The following IQCM variants were observed in gnomAD, a reference collection of about 807,000 sequenced individuals.
The protein encoded by IQCM is IQ motif containing M.
Under a neutral mutation model 57.6 loss-of-function variants are expected in IQCM, and 45 were observed. The observed-to-expected ratio is 0.78, with a 90% CI of 0.62 to 1.00. The LOEUF (loss-of-function observed/expected upper bound fraction) is 1.00. IQCM is among the 50% of genes least tolerant of loss of function. The probability of loss-of-function intolerance (pLI) is 0.00; values close to 1 mark genes in which losing one functional copy is unlikely to be tolerated. For missense variants in IQCM, 468 were observed against 511.6 expected (o/e 0.91, Z 0.82); for synonymous variants, 148 against 158.9 (o/e 0.93, Z 0.51).
intron 9 of IQCM, among the ~76,000 whole-genome samples, chr4:149,566,330 T>C (rs1750630543): frequency 6.6e-6 from 1 of 152,182 alleles, no homozygotes; most frequent in South Asian, 2.1e-4. Context: ...GAAGGTTTCA[T>C]GTTCTAACAA....
intron 12 of IQCM, among the ~76,000 whole-genome samples, chr4:149,515,206 C>A (rs1407633751): frequency 6.6e-6 from 1 of 151,470 alleles, no homozygotes; most frequent in Non-Finnish European, 1.5e-5. Context: ...TTTTGAGAGG[C>A]AGCTCTTGGC....
intron 2 of IQCM, among the ~76,000 whole-genome samples, chr4:149,767,351 T>C (rs1202789506): frequency 6.6e-6 from 1 of 152,106 alleles, no homozygotes; most frequent in African/African-American, 2.4e-5. Flanking sequence ...ACAAGTTTTG[T>C]GTATCAAAGA....
intron 13 of IQCM, among the ~76,000 whole-genome samples, chr4:149,404,993 G>A (rs1732878396): frequency 6.6e-6 from 1 of 152,022 alleles, no homozygotes; most frequent in African/African-American, 2.4e-5. Context: ...TTATGGAGAA[G>A]CAACAATTCA....
At chr4:149,401,958 TGATGTGGAAATA>T (rs1357587042) in intron 13 of IQCM, among the ~76,000 whole-genome samples, 8 of 151,822 alleles carry the variant, frequency 5.3e-5, no homozygotes, top group African/African-American at 1.9e-4. Context: ...TTCAATTGGA[TGATGTGGAAATA>T]GAACTTTTTA....
chr4:149,656,397 C>G (rs1759639923), intron 7 of IQCM, among the ~76,000 whole-genome samples: 1 of 151,830 alleles, frequency 6.6e-6, no homozygotes, highest in Admixed American at 6.6e-5. Context: ...TGAAAAGATA[C>G]TTGATGATGA....
intron 12 of IQCM, among the ~76,000 whole-genome samples, chr4:149,529,105 T>C (rs1746474485): frequency 6.6e-6 from 1 of 152,030 alleles, no homozygotes; most frequent in Non-Finnish European, 1.5e-5. Flanking sequence ...ACTCCATCAC[T>C]CAGGCTGGAG....
chr4:149,660,254 G>A (rs1208963458), intron 7 of IQCM, among the ~76,000 whole-genome samples: 1 of 151,942 alleles, frequency 6.6e-6, no homozygotes, highest in Non-Finnish European at 1.5e-5. Context: ...CTGGCCATCA[G>A]AGAAATGCAA....
At chr4:149,804,434 A>C (rs1435294823) in intron 2 of IQCM, among the ~76,000 whole-genome samples, 1 of 151,952 alleles carries the variant, frequency 6.6e-6, no homozygotes, top group Non-Finnish European at 1.5e-5. Flanking sequence ...ACTGCCAATG[A>C]GCTGTGATTC....
chr4:149,790,897 T>C (rs1316668179), intron 2 of IQCM, among the ~76,000 whole-genome samples: 1 of 152,130 alleles, frequency 6.6e-6, no homozygotes, highest in Non-Finnish European at 1.5e-5. Flanking sequence ...TGCATTTTTT[T>C]CCAGTGTATC....
At chr4:149,661,650 A>G (rs562977043) in intron 7 of IQCM, among the ~76,000 whole-genome samples, 2 of 151,818 alleles carry the variant, frequency 1.3e-5, no homozygotes, top group Non-Finnish European at 2.9e-5. Context: ...GTCTGTTTAG[A>G]TTTTCTATAT....
intron 12 of IQCM, among the ~76,000 whole-genome samples, chr4:149,543,298 AAAC>A (rs1192797682): frequency 1.3e-5 from 2 of 152,108 alleles, no homozygotes; most frequent in African/African-American, 4.8e-5. Flanking sequence ...GTATTGTTAA[AAAC>A]AATATATTCA....
At chr4:149,614,064 T>C (rs1208552483) in intron 8 of IQCM, among the ~76,000 whole-genome samples, 2 of 152,164 alleles carry the variant, frequency 1.3e-5, no homozygotes, top group Non-Finnish European at 2.9e-5. Context: ...TAAACCTATG[T>C]TTTTTAAAAA....
At chr4:149,624,969 C>A (rs532714571) in intron 7 of IQCM, among the ~76,000 whole-genome samples, 1 of 152,292 alleles carries the variant, frequency 6.6e-6, no homozygotes, top group South Asian at 2.1e-4. Flanking sequence ...TCTCTCGTAT[C>A]AATTAATTCT....
At chr4:149,533,393 A>G (rs764342049) in intron 12 of IQCM, among the ~76,000 whole-genome samples, 50 of 152,280 alleles carry the variant, frequency 3.3e-4, no homozygotes, top group South Asian at 6.2e-4. Context: ...TAAGGTTCTT[A>G]GAAATAAGTA....
rs6847005 is a variant in IQCM at position 149,470,547 on chromosome 4, G to A, written c.1229-36990C>T. On this transcript the variant is annotated intron_variant, in intron 12 of 13. Transcript: ENST00000636793. The stretch of plus-strand genomic sequence containing the variant: ...TGGGAGACTTTGACACCCCACTGTC[G>A]ACATTAGACAGATCAACGAGACAGA... 1.4e-3 allele frequency among the ~76,000 whole-genome samples: 206 copies of A among 151,948 alleles called. 2 individuals are homozygous for A. Among genetic ancestry groups the A allele is most frequent in the African/African-American group, 4.3e-3 (180 of 41,450 alleles).
intron 2 of IQCM, among the ~76,000 whole-genome samples, chr4:149,758,330 C>CA (rs1251183973): frequency 6.6e-6 from 1 of 152,118 alleles, no homozygotes; most frequent in African/African-American, 2.4e-5. Context: ...AAAACTAACT[C>CA]AAAATGGATC....
intron 12 of IQCM, among the ~76,000 whole-genome samples, chr4:149,540,032 A>T (rs1197300131): frequency 6.6e-6 from 1 of 152,012 alleles, no homozygotes; most frequent in African/African-American, 2.4e-5. Context: ...TTATTTGGAG[A>T]TATGACCTTT....
At chr4:149,409,594 T>C (rs996553619) in intron 13 of IQCM, among the ~76,000 whole-genome samples, 4 of 152,206 alleles carry the variant, frequency 2.6e-5, no homozygotes, top group African/African-American at 9.6e-5. Context: ...TGTGGTGACA[T>C]AGGGTGTAAC....
intron 12 of IQCM, among the ~76,000 whole-genome samples, chr4:149,474,544 C>A (rs1363532387): frequency 5.9e-5 from 6 of 101,808 alleles, no homozygotes; most frequent in Middle Eastern, 4.9e-3. Flanking sequence ...CCCGTCACTA[C>A]TAAAAATACA....
Sources: gnomAD v4.1 joint callset for allele counts (sites outside exome capture counted in the v4.1 genomes callset) on GRCh38, gnomAD v4.1.1 for gene constraint, MANE v1.5 for transcripts, NCBI Gene and HGNC (gene_info 2026-07-23, HGNC 2026-07-21) for gene names.